Variants in KIF12 observed in about 807,000 individuals in gnomAD.
KIF12 encodes kinesin-like protein KIF12.
Under a neutral mutation model 87.9 loss-of-function variants are expected in KIF12, and 80 were observed. The ratio of observed to expected loss-of-function variants is 0.91; its 90% CI spans 0.76 to 1.10. The LOEUF is 1.10. KIF12 is among the 50% of genes least tolerant of loss of function. The pLI is 0.00. For missense variants in KIF12, 819 were observed against 865.3 expected, an observed-to-expected ratio of 0.95 and a Z score of 0.67; for synonymous variants, 353 against 348.5, an observed-to-expected ratio of 1.01 and a Z score of -0.14.
At chr9:114,098,463 TG>T in intron 3 of KIF12, 34 bp from the exon 4 acceptor site, 2 of 1,366,380 alleles carry the variant, frequency 1.5e-6, no homozygotes, top group Non-Finnish European at 1.9e-6. Context: ...CGGGGCACTC[TG>T]GAGGAGGGCG....
chr9:114,097,647 A>T lies in KIF12; in HGVS notation c.470T>A (p.Val157Asp). 1 of 1,613,984 alleles carries T rather than the reference A, an allele frequency of 6.2e-7. No individual in the cohort carries two copies. ...CTCCAGATAAGAGGCGCGAAGGGTG[A>T]CAGGGGCACCCAGGTGCTGCACGCG... is the stretch of plus-strand genomic sequence containing the variant. ...LDRVQHLGAP[V>D]TLRASYLEIY... Residue 157 changes from valine to aspartate, a missense_variant, in exon 6 of 19, where the codon GTC becomes GAC. Coordinates refer to ENST00000640217, the MANE Select transcript of KIF12 (RefSeq NM_001388308.1).
chr9:114,094,962 T>G (rs2134889065), intron 11 of KIF12, 61 bp downstream of exon 11: 1 of 1,427,076 alleles, frequency 7.0e-7, no homozygotes, highest in Non-Finnish European at 9.5e-7. Flanking sequence ...AGGCTCCAAC[T>G]CCTGCCTGAT....
At chr9:114,092,827 TCTCCTGAGACTAGAAG>T in intron 16 of KIF12, 185 bp from the exon 17 acceptor site, 1 of 1,441,684 alleles carries the variant, frequency 6.9e-7, no homozygotes. Flanking sequence ...TCTACCGTCC[TCTCCTGAGACTAGAAG>T]CCTCCTGAGA....
chr9:114,093,899 G>T lies in KIF12; in HGVS notation c.1387C>A (p.His463Asn), dbSNP rs775297282. The stretch of plus-strand genomic sequence containing the variant: ...GGCTCTGCTTACCTCTCTAGTGCAT[G>T]GACCTGCTGGGCCAGGATGCGCTGC... ...NEQRILAQQV[H>N]ALERRLLSAC... Residue 463 changes from histidine to asparagine, a missense_variant, in exon 14 of 19, where the codon CAT becomes AAT. By Grantham distance (68) the His-to-Asn change is moderately conservative. Coordinates refer to ENST00000640217, the MANE Select transcript of KIF12 (RefSeq NM_001388308.1). 1.2e-6 allele frequency: 2 copies of T among 1,614,008 alleles called. No homozygotes were observed. Among genetic ancestry groups the T allele is most frequent in the Non-Finnish European group, 1.7e-6 (2 of 1,179,908 alleles).
At chr9:114,098,697 G>A (rs1847353513) in intron 3 of KIF12, among the ~76,000 whole-genome samples, 1 of 145,200 alleles carries the variant, frequency 6.9e-6, no homozygotes, top group Admixed American at 6.8e-5. Context: ...ATTCTGGGGG[G>A]GGCGGGCACC....
chr9:114,097,762 G>A (rs889625151), intron 5 of KIF12, 21 bp from the exon 6 acceptor site: 6 of 1,606,878 alleles, frequency 3.7e-6, no homozygotes, highest in Non-Finnish European at 5.1e-6. Context: ...AACCAGCTGA[G>A]CCATCGTCAT....
rs775707106 is a variant in KIF12, at chr9:114,094,218, T to A, written c.1276A>T (p.Met426Leu). Residue 426 changes from methionine to leucine, a missense_variant, in exon 13 of 19, where the codon ATG (methionine) becomes TTG (leucine). Coordinates refer to ENST00000640217, the MANE Select transcript of KIF12 (RefSeq NM_001388308.1). ...TTCTCTAGCATGAACTCCTGTAGCA[T>A]CCCGTACAGGTTCCGCTGGGCCCAG... ...VAWAQRNLYGMLQEFMLENER... is the reference protein window; with the variant it reads ...VAWAQRNLYGLLQEFMLENER... The A allele has an allele frequency of 1.2e-6, 2 of 1,613,934 alleles. No individual in the cohort carries two copies. Among genetic ancestry groups the A allele is most frequent in the Admixed American group, 3.3e-5 (2 of 60,022 alleles).
At chr9:114,093,366 TC>T in intron 15 of KIF12, 33 bp from the exon 16 acceptor site, 1 of 1,554,268 alleles carries the variant, frequency 6.4e-7, no homozygotes, top group African/African-American at 1.4e-5. Context: ...CTCCATGACA[TC>T]CCTACTTGTC....
intron 3 of KIF12, 23 bp from the exon 4 acceptor site, chr9:114,098,452 G>T: frequency 6.9e-7 from 1 of 1,457,038 alleles, no homozygotes; most frequent in Non-Finnish European, 9.0e-7. Flanking sequence ...GGGCGGAGGA[G>T]CGGGGCACTC....
At position 114,096,449 on chromosome 9, in the gene KIF12, T is replaced by A. The variant is rs781476794; in HGVS notation, c.676A>T (p.Thr226Ser). ...GLSRRRNSAH[T>S]LNQASSRSHA... Reference sequence around the variant, plus strand: ...CTTCGGCTGGAGGCCTGGTTCAGGGTGTGGGCTGAGTTCCTTCGACGGCTG... The same window carrying A: ...CTTCGGCTGGAGGCCTGGTTCAGGGAGTGGGCTGAGTTCCTTCGACGGCTG... Residue 226 changes from threonine (T) to serine (S), a missense_variant, in exon 8 of 19, where the codon ACC (threonine) becomes TCC (serine). By Grantham distance (58) the Thr-to-Ser change is moderately conservative. Transcript: ENST00000640217. 8 of 1,612,070 alleles carry A rather than the reference T, an allele frequency of 5.0e-6. No individual in the cohort carries two copies. The highest frequency in any genetic ancestry group is 5.9e-6 in the Non-Finnish European group (7 of 1,179,360).
chr9:114,095,099 C>G lies in KIF12; in HGVS notation c.1043G>C (p.Cys348Ser), dbSNP rs748999562. 1.9e-6 allele frequency: 3 copies of G among 1,609,958 alleles called. No individual in the cohort carries two copies. The South Asian group carries it at 3.3e-5, about 18-fold the overall frequency. ...MVACVSPSAQ[C>S]LPETLSTLRY... ...CAGGGTGCTGAGAGTCTCAGGAAGG[C>G]ACTGGGCTGAGGGGGACACGCAGGC... Residue 348 changes from cysteine to serine, a missense_variant, in exon 11 of 19, where the codon TGC (cysteine) becomes TCC (serine). Coordinates refer to ENST00000640217, the MANE Select transcript of KIF12 (RefSeq NM_001388308.1).
At chr9:114,097,907 A>G in intron 5 of KIF12, 166 bp from the exon 6 acceptor site, 3 of 1,013,792 alleles carry the variant, frequency 3.0e-6, no homozygotes, top group Non-Finnish European at 4.3e-6. Context: ...GAAAACTGAG[A>G]GCTAGGAAGG....
Position 114,098,154 on chromosome 9 carries a change from G to A in KIF12, c.336C>T (p.Gly112=), listed in dbSNP as rs1358876168. The stretch of plus-strand genomic sequence containing the variant: ...CAGTCAGGGTGTAGGTCTTCCCAGA[G>A]CCCGTCTGGCCAAAGGTGAAAACAG... ...SCTVFTFGQT[G]SGKTYTLTGP... Residue 112 remains glycine (G), a synonymous_variant, in exon 5 of 19, where the codon GGC becomes GGT. Transcript: ENST00000640217. 5 of 1,548,428 alleles carry A rather than the reference G, an allele frequency of 3.2e-6. No individual in the cohort carries two copies. The East Asian group carries it at 9.8e-5, about 30-fold the overall frequency.
At position 114,097,594 on chromosome 9, in the gene KIF12, C is replaced by T. The variant is rs1236300988; in HGVS notation, c.510+13G>A. The T allele has an allele frequency of 1.2e-6, 2 of 1,613,772 alleles. No individual in the cohort carries two copies. Among genetic ancestry groups the T allele is most frequent in the African/African-American group, 1.3e-5 (1 of 74,946 alleles). On this transcript the variant is annotated intron_variant, in intron 6 of 18. Coordinates refer to ENST00000640217, the MANE Select transcript of KIF12 (RefSeq NM_001388308.1). ...CCTCATGGGCTGTCTTTCTATTCCT[C>T]TCATTCCCTTACCTGCTCATTGTAG...
At position 114,092,382 on chromosome 9, in the gene KIF12, A is replaced by G. The variant is rs1189684868; in HGVS notation, c.1767T>C (p.Ser589=). 1 of 1,611,500 alleles carries G rather than the reference A, an allele frequency of 6.2e-7. No homozygotes were observed. The highest frequency in any genetic ancestry group is 8.5e-7 in the Non-Finnish European group (1 of 1,179,058). ...EMLTEEEVVP[S]APPLPVRPPK... is the part of the protein sequence containing the mutation. ...GGGGCCTCACAGGCAGGGGAGGTGC[A>G]GAAGGTACCACCTCCTCCTCCGTCA... is the stretch of plus-strand genomic sequence containing the variant. The change falls in exon 18 of 19, where the codon TCT becomes TCC. Residue 589 remains serine, a synonymous_variant. Coordinates refer to ENST00000640217, the MANE Select transcript of KIF12 (RefSeq NM_001388308.1).
chr9:114,093,907 TGG>T lies in KIF12; in HGVS notation c.1377_1378del (p.Gln460AlafsTer77). 1 of 1,614,130 alleles carries T rather than the reference TGG, an allele frequency of 6.2e-7. No individual in the cohort carries two copies. The highest frequency in any genetic ancestry group is 8.5e-7 in the Non-Finnish European group (1 of 1,180,014). ...TTACCTCTCTAGTGCATGGACCTGC[TGG>T]GCCAGGATGCGCTGCTCATTCTGGG... On this transcript the variant is annotated frameshift_variant, in exon 14 of 19. Transcript: ENST00000640217. LOFTEE classifies it high-confidence loss of function.
chr9:114,095,795 C>T (rs1219534372), intron 9 of KIF12, among the ~76,000 whole-genome samples: 1 of 152,226 alleles, frequency 6.6e-6, no homozygotes, highest in Non-Finnish European at 1.5e-5. Flanking sequence ...TCATCTTCTG[C>T]AGTTGAGTGG....
At chr9:114,098,256 G>C (rs756552414) in intron 4 of KIF12, 46 bp downstream of exon 4, 8 of 1,513,354 alleles carry the variant, frequency 5.3e-6, no homozygotes, top group South Asian at 1.3e-5. Flanking sequence ...GGGTGCTTCG[G>C]GGCCCCGCCA....
At chr9:114,095,458 T>C (rs1167079206) in intron 9 of KIF12, 126 bp from the exon 10 acceptor site, 2 of 999,994 alleles carry the variant, frequency 2.0e-6, no homozygotes, top group Non-Finnish European at 2.9e-6. Context: ...TTCCACATGA[T>C]CTCATGACTC....
Sources: gnomAD v4.1 joint callset for allele counts (sites outside exome capture counted in the v4.1 genomes callset) on GRCh38, gnomAD v4.1.1 for gene constraint, MANE v1.5 for transcripts, NCBI Gene and HGNC (gene_info 2026-07-23, HGNC 2026-07-21) for gene names.